LCK: variants seen among roughly 807,000 people sequenced by gnomAD.
LCK encodes the protein tyrosine-protein kinase Lck.
In LCK, 14 loss-of-function variants were observed where a neutral mutation model predicts 64.6. The observed-to-expected ratio is 0.22, with a 90% CI of 0.14 to 0.34. LCK has a LOEUF of 0.34. Ranked by LOEUF, LCK falls within the 10% of genes least tolerant of loss-of-function variation. The probability of loss-of-function intolerance (pLI) is 1.00; values close to 1 mark genes in which losing one functional copy is unlikely to be tolerated. For missense variants in LCK, 434 were observed against 668.1 expected (o/e 0.65, Z 3.86); for synonymous variants, 277 against 263.6 (o/e 1.05, Z -0.49).
At chr1:32,269,934 G>A (rs1236994695) in intron 1 of LCK, among the ~76,000 whole-genome samples, 1 of 152,168 alleles carries the variant, frequency 6.6e-6, no homozygotes, top group Non-Finnish European at 1.5e-5. Flanking sequence ...TTTGACAGAA[G>A]AGGAAAAGTG....
rs768627081 is a variant in LCK, at chr1:32,275,027, C to T, written c.222C>T (p.Pro74=). The T allele has an allele frequency of 6.2e-6, 10 of 1,614,202 alleles. No individual in the cohort carries two copies. The highest frequency in any genetic ancestry group is 5.9e-6 in the Non-Finnish European group (7 of 1,180,034). Residue 74 remains proline, a synonymous_variant, in exon 4 of 13, where the codon CCC becomes CCT. Coordinates refer to ENST00000336890, the MANE Select transcript of LCK (RefSeq NM_005356.5). This position sits in a 1 kb window ranked among gnomAD's most constrained non-coding sequence, Gnocchi z 6.9. ...NLVIALHSYE[P]SHDGDLGFEK... ...TTATCGCTCTGCACAGCTATGAGCC[C>T]TCTCACGACGGAGATCTGGGCTTTG...
In LCK at chr1:32,275,725, AG is replaced by A. The variant is rs1202376800; in HGVS notation, c.481+60del. ...GCGGGGGTGCCCCGGGGTGTGCCCG[AG>A]GGGGGGCGCAGGGTGAGCCCGAGGT... On this transcript the variant is annotated intron_variant, in intron 6 of 12. Transcript: ENST00000336890. The surrounding 1 kb of genome is among the most constrained non-coding windows in gnomAD (Gnocchi z 6.9). 4.2e-6 allele frequency: 6 copies of A among 1,440,216 alleles called. No homozygotes were observed. The highest frequency in any genetic ancestry group is 2.5e-5 in the East Asian group (1 of 40,014). The allele number at this position is 1,440,216 out of a possible 1,614,324, so 89.2% of individuals were successfully genotyped here. A position where few individuals can be genotyped will look rare whatever the true frequency, so the allele number is the denominator to read the frequency against.
At chr1:32,271,587 C>T (rs1365316396) in intron 1 of LCK, among the ~76,000 whole-genome samples, 1 of 152,122 alleles carries the variant, frequency 6.6e-6, no homozygotes, top group Non-Finnish European at 1.5e-5. Flanking sequence ...TCACTTGAGC[C>T]CAGGAGTTTG....
intron 1 of LCK, among the ~76,000 whole-genome samples, chr1:32,260,836 G>T (rs1380769641): frequency 1.3e-5 from 2 of 152,164 alleles, no homozygotes; most frequent in East Asian, 1.9e-4. Context: ...TGCCCAGGTT[G>T]GTCTTGAACT....
In LCK at chr1:32,275,710, C is replaced by A; in HGVS notation, c.481+38C>A. On this transcript the variant is annotated intron_variant, in intron 6 of 12. Transcript: ENST00000336890. This position sits in a 1 kb window ranked among gnomAD's most constrained non-coding sequence, Gnocchi z 6.9. ...CGGTCTCGACCGGGCGCGGGGGTGC[C>A]CCGGGGTGTGCCCGAGGGGGGGCGC... 6.6e-7 allele frequency: 1 copy of A among 1,524,246 alleles called. No homozygotes were observed. The highest frequency in any genetic ancestry group is 1.2e-5 in the South Asian group (1 of 84,392). The allele number at this position is 1,524,246 out of a possible 1,614,324, so 94.4% of individuals were successfully genotyped here.
chr1:32,280,795 TAGA>T (rs1401510375), intron 12 of LCK, among the ~76,000 whole-genome samples: 1 of 152,118 alleles, frequency 6.6e-6, no homozygotes, highest in Non-Finnish European at 1.5e-5. Flanking sequence ...CCTGGTATGG[TAGA>T]AGAAGATCTA....
intron 12 of LCK, among the ~76,000 whole-genome samples, chr1:32,284,125 C>T (rs1467685698): frequency 6.6e-6 from 1 of 151,508 alleles, no homozygotes; most frequent in Non-Finnish European, 1.5e-5. Context: ...CCAGGTGATC[C>T]ACCCGGCTTG....
At chr1:32,285,431 G>A (rs1432241681) in intron 12 of LCK, 83 bp from the exon 13 acceptor site, 4 of 1,207,068 alleles carry the variant, frequency 3.3e-6, no homozygotes, top group Admixed American at 1.7e-5. Context: ...CTCACACTGT[G>A]CCAGTTAAAT....
chr1:32,265,388 C>T (rs1225057996), intron 1 of LCK, among the ~76,000 whole-genome samples: 1 of 152,224 alleles, frequency 6.6e-6, no homozygotes, highest in South Asian at 2.1e-4. Context: ...TGACTACAAA[C>T]ATTTCTGGCA....
intron 12 of LCK, 150 bp from the exon 13 acceptor site, chr1:32,285,364 A>T: frequency 1.4e-6 from 1 of 711,582 alleles, no homozygotes; most frequent in Non-Finnish European, 2.5e-6. Context: ...GATATTCAAC[A>T]AGTACCTCTA....
At position 32,275,691 on chromosome 1, in the gene LCK, C is replaced by G. The variant is rs1014124218; in HGVS notation, c.481+19C>G. ...ACCGCGGGTGAGCGGGCGGCGGTCT[C>G]GACCGGGCGCGGGGGTGCCCCGGGG... On this transcript the variant is annotated intron_variant, in intron 6 of 12. Transcript: ENST00000336890. This position sits in a 1 kb window ranked among gnomAD's most constrained non-coding sequence, Gnocchi z 6.9. 5 of 1,546,822 alleles carry G rather than the reference C, an allele frequency of 3.2e-6. No homozygotes were observed. The highest frequency in any genetic ancestry group is 2.6e-6 in the Non-Finnish European group (3 of 1,146,666).
intron 1 of LCK, among the ~76,000 whole-genome samples, chr1:32,269,844 G>C (rs1640030474): frequency 6.6e-6 from 1 of 152,140 alleles, no homozygotes; most frequent in Non-Finnish European, 1.5e-5. Context: ...GGACAGAATT[G>C]TGCACTGGTG....
chr1:32,263,915 T>TA (rs879349289), intron 1 of LCK, among the ~76,000 whole-genome samples: 122 of 143,210 alleles, frequency 8.5e-4, no homozygotes, highest in East Asian at 5.2e-3. Context: ...AGACCCTGTT[T>TA]AAAAAAAAAA....
At position 32,286,034 on chromosome 1, in the gene LCK, C is replaced by T; in HGVS notation, c.*318C>T. Reference sequence around the variant, plus strand: ...ATTGACAGAAGCTTCTGCCCACCTACTTTTCTTTCCTCAGATCATCCAGAA... The same window carrying T: ...ATTGACAGAAGCTTCTGCCCACCTATTTTTCTTTCCTCAGATCATCCAGAA... On this transcript the variant is annotated 3_prime_UTR_variant, in exon 13 of 13. Coordinates refer to ENST00000336890, the MANE Select transcript of LCK (RefSeq NM_005356.5). The T allele has an allele frequency of 2.4e-6, 1 of 420,836 alleles. No individual in the cohort carries two copies. Among genetic ancestry groups the T allele is most frequent in the Non-Finnish European group, 4.4e-6 (1 of 228,542 alleles). The allele number at this position is 420,836 out of a possible 1,614,324, so 26.1% of individuals were successfully genotyped here. A position where few individuals can be genotyped will look rare whatever the true frequency, so the allele number is the denominator to read the frequency against.
rs183629101 is a variant in LCK, at chr1:32,285,625, G to A, written c.1439G>A (p.Arg480His). ...YQLMRLCWKE[R>H]PEDRPTFDYL... Reference sequence around the variant, plus strand: ...CTCATGAGGCTGTGCTGGAAGGAGCGCCCAGAGGACCGGCCCACCTTTGAC... The same window carrying A: ...CTCATGAGGCTGTGCTGGAAGGAGCACCCAGAGGACCGGCCCACCTTTGAC... Residue 480 changes from arginine to histidine, a missense_variant, in exon 13 of 13, where the codon CGC becomes CAC. By Grantham distance (29) the Arg-to-His change is conservative. Around this residue, in one of 2 missense-constraint regions of LCK, gnomAD observed 201 missense variants for 376.9 expected, o/e 0.53. Transcript: ENST00000336890. 26 of 1,614,212 alleles carry A rather than the reference G, an allele frequency of 1.6e-5. No homozygotes were observed. The East Asian group carries it at 3.8e-4, about 24-fold the overall frequency.
At position 32,251,894 on chromosome 1, in the gene LCK, AAGAGAGAGAGAGAGAGAGAGAG is replaced by A. The variant is rs4012161; in HGVS notation, c.-6+545_-6+566del. Among the ~76,000 whole-genome samples, 2 of 132,342 alleles carry A rather than the reference AAGAGAGAGAGAGAGAGAGAGAG, an allele frequency of 1.5e-5. No individual in the cohort carries two copies. Among genetic ancestry groups the A allele is most frequent in the African/African-American group, 5.7e-5 (2 of 35,246 alleles). The allele number at this position is 132,342 out of a possible 152,430, so 86.8% of individuals were successfully genotyped here. A position where few individuals can be genotyped will look rare whatever the true frequency, so the allele number is the denominator to read the frequency against. ...CCCCAGTGACAAGAATCTCCTGAGA[AAGAGAGAGAGAGAGAGAGAGAG>A]AGAGAGAGAGAGAGAGAGAGACAGA... On this transcript the variant is annotated intron_variant, in intron 1 of 12. Coordinates refer to ENST00000336890, the MANE Select transcript of LCK (RefSeq NM_005356.5). This position sits in a 1 kb window ranked among gnomAD's most constrained non-coding sequence, Gnocchi z 4.0.
intron 1 of LCK, among the ~76,000 whole-genome samples, chr1:32,272,317 G>A (rs1288999599): frequency 2.6e-5 from 4 of 151,776 alleles, no homozygotes; most frequent in Admixed American, 2.6e-4. Context: ...GACTGGGTTC[G>A]GTGGTGCATG....
chr1:32,261,808 C>T (rs1400422000), intron 1 of LCK, among the ~76,000 whole-genome samples: 4 of 150,646 alleles, frequency 2.7e-5, no homozygotes, highest in African/African-American at 9.8e-5. Flanking sequence ...AAAAATTAGC[C>T]GGGCATACTA....
intron 1 of LCK, among the ~76,000 whole-genome samples, chr1:32,262,271 C>T (rs1312071627): frequency 2.8e-5 from 4 of 141,922 alleles, no homozygotes; most frequent in Non-Finnish European, 6.1e-5. Context: ...GAAGCCGAGG[C>T]AGGTGAATCA....
Sources: allele counts gnomAD v4.1 joint callset (sites outside exome capture counted in the v4.1 genomes callset), GRCh38; gene constraint gnomAD v4.1.1; regional missense constraint gnomAD v4.1.1; non-coding constraint Gnocchi (gnomAD v3.1); transcripts MANE v1.5; gene names NCBI Gene and HGNC (gene_info 2026-07-23, HGNC 2026-07-21).